Variants in COL6A6 observed in about 807,000 individuals in gnomAD.
COL6A6 encodes collagen type VI alpha 6 chain, also known as collagen alpha-6(VI) chain.
In COL6A6, 183 loss-of-function variants were observed where a neutral mutation model predicts 208.6. That is an observed-to-expected ratio of 0.88 (90% CI 0.78 to 0.99). The LOEUF (loss-of-function observed/expected upper bound fraction) is 0.99. Among genes scored for constraint, COL6A6 ranks in the 50% least tolerant of loss-of-function variants. COL6A6 has a pLI of 0.00. For missense variants in COL6A6, 2,816 were observed against 2,815.2 expected (o/e 1.00, Z -0.01); for synonymous variants, 973 against 1,011.8 (o/e 0.96, Z 0.73).
At chr3:130,528,698 A>T (rs1462359939) in intron 1 of COL6A6, among the ~76,000 whole-genome samples, 2 of 152,208 alleles carry the variant, frequency 1.3e-5, no homozygotes, top group Non-Finnish European at 2.9e-5. Context: ...TGCACATCAA[A>T]GTCACCTGGG....
chr3:130,627,963 T>C (rs2064941086), intron 26 of COL6A6, among the ~76,000 whole-genome samples: 1 of 152,080 alleles, frequency 6.6e-6, no homozygotes, highest in Non-Finnish European at 1.5e-5. Context: ...CATAATATAG[T>C]TAAGGATATC....
At chr3:130,517,620 G>T (rs1382453992) in intron 1 of COL6A6, among the ~76,000 whole-genome samples, 1 of 152,142 alleles carries the variant, frequency 6.6e-6, no homozygotes, top group East Asian at 1.9e-4. Context: ...TTAATTTTTC[G>T]CATCCGACTG....
Position 130,598,398 on chromosome 3 carries a change from C to T in COL6A6, c.4567C>T (p.Pro1523Ser), listed in dbSNP as rs1408322488. The T allele has an allele frequency of 6.4e-7, 1 of 1,552,060 alleles. No homozygotes were observed. The highest frequency in any genetic ancestry group is 1.4e-5 in the African/African-American group (1 of 73,138). Residue 1523 changes from proline (P) to serine (S), a missense_variant, in exon 19 of 37, where the codon CCC (proline) becomes TCC (serine). Physicochemically the swap from Pro to Ser is moderately conservative, Grantham distance 74. Coordinates refer to ENST00000358511, the MANE Select transcript of COL6A6 (RefSeq NM_001102608.3). Reference sequence around the variant, plus strand: ...TGGAGTTGACAGTAGCATAGAAGGACCCACAGGCTTGAAAGGAGAACGTGG... The same window carrying T: ...TGGAGTTGACAGTAGCATAGAAGGATCCACAGGCTTGAAAGGAGAACGTGG... ...APGVDSSIEGPTGLKGERGRQ... is the reference protein window; with the variant it reads ...APGVDSSIEGSTGLKGERGRQ...
At chr3:130,658,887 C>T in intron 34 of COL6A6, 115 bp downstream of exon 34, 1 of 699,470 alleles carries the variant, frequency 1.4e-6, no homozygotes, top group East Asian at 2.7e-5. Context: ...GGGAGGACCT[C>T]TCTGGGGTTC....
rs558353193 is a variant in COL6A6 at position 130,580,439 on chromosome 3, CA to C, written c.3548-1120del. Reference sequence around the variant, plus strand: ...CCCTCAGTCAATTCTCATTAAAAATCAAGTTGCCAACACTTGTTTTAAAAGT... The same window carrying C: ...CCCTCAGTCAATTCTCATTAAAAATCAGTTGCCAACACTTGTTTTAAAAGT... On this transcript the variant is annotated intron_variant, in intron 8 of 36. Coordinates refer to ENST00000358511, the MANE Select transcript of COL6A6 (RefSeq NM_001102608.3). Among the ~76,000 whole-genome samples, 1,001 of 152,236 alleles carry C rather than the reference CA, an allele frequency of 6.6e-3. 10 individuals are homozygous for C. Among genetic ancestry groups the C allele is most frequent in the African/African-American group, 0.023 (950 of 41,548 alleles).
intron 23 of COL6A6, among the ~76,000 whole-genome samples, chr3:130,613,346 G>A (rs766583160): frequency 4.6e-5 from 7 of 152,072 alleles, no homozygotes; most frequent in African/African-American, 7.2e-5. Context: ...CTATTTCTGG[G>A]CTCTCTATTC....
chr3:130,564,800 AT>A (rs1217223035), intron 3 of COL6A6, among the ~76,000 whole-genome samples, 193 bp from the exon 4 acceptor site: 2 of 152,240 alleles, frequency 1.3e-5, no homozygotes, highest in African/African-American at 4.8e-5. Flanking sequence ...AGATGAGGAA[AT>A]TGAAGCCGGG....
intron 20 of COL6A6, among the ~76,000 whole-genome samples, chr3:130,602,661 C>T (rs2064059599): frequency 6.6e-6 from 1 of 152,148 alleles, no homozygotes; most frequent in South Asian, 2.1e-4. Context: ...TAACACCTGA[C>T]ATTTCTATTC....
rs1299611852 is a variant in COL6A6 at position 130,590,254 on chromosome 3, CATATATATATATATATAT to C, written c.4219-758_4219-741del. On this transcript the variant is annotated intron_variant, in intron 12 of 36. Transcript: ENST00000358511. The stretch of plus-strand genomic sequence containing the variant: ...CTCGAAATTCCATTTCTTTTTTTTT[CATATATATATATATATAT>C]ATATATATATATATATATATATATA... 7.9e-3 allele frequency among the ~76,000 whole-genome samples: 92 copies of C among 11,666 alleles called. 2 individuals carry two copies. Among genetic ancestry groups the C allele is most frequent in the African/African-American group, 0.011 (36 of 3,228 alleles). The allele number at this position is 11,666 out of a possible 152,430, so 7.7% of individuals were successfully genotyped here.
Position 130,533,451 on chromosome 3 carries a change from C to T in COL6A6, c.-32+16054C>T, listed in dbSNP as rs2062154019. On this transcript the variant is annotated intron_variant, in intron 1 of 36. Transcript: ENST00000358511. ...CTTCTTCTTGCATGACATCATTTAG[C>T]ATTCCTTTTTTCTTATGACTTTTTT... 2.6e-5 allele frequency among the ~76,000 whole-genome samples: 4 copies of T among 152,144 alleles called. No homozygotes were observed. In the South Asian group the frequency reaches 8.3e-4, roughly 32 times the overall value.
At chr3:130,609,016 T>C (rs2064272632) in intron 22 of COL6A6, 52 bp downstream of exon 22, 1 of 1,378,512 alleles carries the variant, frequency 7.3e-7, no homozygotes, top group East Asian at 2.3e-5. Context: ...AATCTGGGAA[T>C]GGAAAAATCT....
intron 24 of COL6A6, among the ~76,000 whole-genome samples, chr3:130,625,678 G>A (rs141481398): frequency 8.5e-4 from 130 of 152,280 alleles, no homozygotes; most frequent in South Asian, 2.5e-3. Context: ...GGAGCCTACG[G>A]AGACATACCA....
intron 17 of COL6A6, among the ~76,000 whole-genome samples, chr3:130,594,052 G>A (rs1049487834): frequency 1.3e-5 from 2 of 152,170 alleles, no homozygotes; most frequent in Non-Finnish European, 2.9e-5. Flanking sequence ...AAGATGACAA[G>A]TGTGTCTGGA....
chr3:130,554,034 G>C (rs573097356), intron 1 of COL6A6, among the ~76,000 whole-genome samples: 1 of 152,166 alleles, frequency 6.6e-6, no homozygotes, highest in Non-Finnish European at 1.5e-5. Flanking sequence ...GGCCCCTGGC[G>C]TTGTTCTCTG....
chr3:130,574,361 G>T lies in COL6A6; in HGVS notation c.3383G>T (p.Arg1128Ile). ...CAGGCCGCGGAAGCCCTGAGACACA[G>T]AGGTATCGACATCTACTCCGTGGGC... ...VAQAAEALRH[R>I]GIDIYSVGIG... The change falls in exon 8 of 37, where the codon AGA becomes ATA. Residue 1128 changes from arginine to isoleucine, a missense_variant. Transcript: ENST00000358511. 1.2e-6 allele frequency: 2 copies of T among 1,614,030 alleles called. No individual in the cohort carries two copies. Among genetic ancestry groups the T allele is most frequent in the Non-Finnish European group, 1.7e-6 (2 of 1,179,908 alleles).
intron 36 of COL6A6, among the ~76,000 whole-genome samples, chr3:130,673,144 A>G (rs1163848462): frequency 1.4e-5 from 2 of 145,320 alleles, no homozygotes; most frequent in Admixed American, 7.3e-5. Flanking sequence ...GTGCCACTGC[A>G]CTCCAGCCTG....
At chr3:130,634,217 AT>A (rs1255149542) in intron 26 of COL6A6, among the ~76,000 whole-genome samples, 19 of 55,658 alleles carry the variant, frequency 3.4e-4, no homozygotes, top group African/African-American at 1.9e-3. Context: ...AAAAAAATAA[AT>A]AAATAAATAA....
Position 130,665,061 on chromosome 3 carries a change from T to C in COL6A6, c.6561T>C (p.Ser2187=). The C allele has an allele frequency of 1.2e-6, 2 of 1,611,018 alleles. No homozygotes were observed. Among genetic ancestry groups the C allele is most frequent in the Non-Finnish European group, 1.7e-6 (2 of 1,178,560 alleles). ...NLKIKCNRLN[S]IDPKQPPRPF... Reference sequence around the variant, plus strand: ...AAATAAAGTGCAACAGACTTAACTCTATAGATCCAAAGCAGCCCCCACGAC... The same window carrying C: ...AAATAAAGTGCAACAGACTTAACTCCATAGATCCAAAGCAGCCCCCACGAC... The change falls in exon 36 of 37, where the codon TCT becomes TCC. Residue 2187 remains serine, a synonymous_variant. Transcript: ENST00000358511.
intron 19 of COL6A6, 95 bp from the exon 20 acceptor site, chr3:130,599,662 C>T: frequency 2.4e-6 from 3 of 1,242,788 alleles, no homozygotes; most frequent in Non-Finnish European, 3.5e-6. Flanking sequence ...GGTGTGTGAA[C>T]CTATCTATCC....
Sources: allele counts gnomAD v4.1 joint callset (sites outside exome capture counted in the v4.1 genomes callset), GRCh38; gene constraint gnomAD v4.1.1; transcripts MANE v1.5; gene names NCBI Gene and HGNC (gene_info 2026-07-23, HGNC 2026-07-21).